The following ZBTB20 variants were observed in gnomAD, a reference collection of about 807,000 sequenced individuals.
ZBTB20 encodes zinc finger and BTB domain containing 20.
In ZBTB20, 9 loss-of-function variants were observed where a neutral mutation model predicts 56.9. The ratio of observed to expected loss-of-function variants is 0.16; its 90% CI spans 0.10 to 0.28. The LOEUF (loss-of-function observed/expected upper bound fraction) is 0.28. Among genes scored for constraint, ZBTB20 ranks in the 10% least tolerant of loss-of-function variants. The pLI is 1.00. For missense variants in ZBTB20, 655 were observed against 1,003.0 expected, an observed-to-expected ratio of 0.65 and a Z score of 4.69; for synonymous variants, 417 against 420.7, an observed-to-expected ratio of 0.99 and a Z score of 0.11.
chr3:114,441,004 C>T (rs2090884531), intron 7 of ZBTB20, among the ~76,000 whole-genome samples: 1 of 152,160 alleles, frequency 6.6e-6, no homozygotes, highest in Admixed American at 6.6e-5. Context: ...AAATAATGGG[C>T]CTCACTGTTT....
chr3:115,098,851 T>C (rs2083474675), intron 1 of ZBTB20, among the ~76,000 whole-genome samples: 1 of 152,146 alleles, frequency 6.6e-6, no homozygotes, highest in Admixed American at 6.6e-5. Context: ...GGGAAAAAAG[T>C]CTGCCACTTC....
intron 6 of ZBTB20, among the ~76,000 whole-genome samples, chr3:114,553,524 T>C (rs1161632863): frequency 1.3e-5 from 2 of 152,012 alleles, no homozygotes; most frequent in African/African-American, 2.4e-5. Flanking sequence ...AGATGAACTA[T>C]AGCTTTCCTA....
At chr3:114,538,678 T>C (rs1441985334) in intron 6 of ZBTB20, among the ~76,000 whole-genome samples, 5 of 152,160 alleles carry the variant, frequency 3.3e-5, no homozygotes, top group African/African-American at 1.2e-4. Flanking sequence ...GCTCTCTGTC[T>C]AAGATGTGTA....
rs1209095318 is a variant in ZBTB20, at chr3:114,335,099, C to G, written c.*3906G>C. ...AATATTATTTTTTTATAAACCATAT[C>G]TAAATATCTTGAGATAAAAATTCCC... On this transcript the variant is annotated 3_prime_UTR_variant, in exon 12 of 12. Coordinates refer to ENST00000675478, the MANE Select transcript of ZBTB20 (RefSeq NM_001348800.3). 1 of 152,060 alleles carries G rather than the reference C, an allele frequency of 6.6e-6. No homozygotes were observed. Among genetic ancestry groups the G allele is most frequent in the Non-Finnish European group, 1.5e-5 (1 of 68,000 alleles). The allele number at this position is 152,060 out of a possible 1,614,324, so 9.4% of individuals were successfully genotyped here.
At chr3:114,735,046 G>T (rs142097861) in intron 5 of ZBTB20, among the ~76,000 whole-genome samples, 2 of 151,166 alleles carry the variant, frequency 1.3e-5, no homozygotes, top group African/African-American at 4.9e-5. Flanking sequence ...TCCCATCAGC[G>T]TTATGACACC....
intron 4 of ZBTB20, among the ~76,000 whole-genome samples, chr3:114,815,541 C>T (rs983502156): frequency 2.4e-4 from 36 of 152,028 alleles, no homozygotes; most frequent in African/African-American, 6.0e-4. Context: ...GCTTAAGCAA[C>T]GGAAATATTT....
intron 5 of ZBTB20, among the ~76,000 whole-genome samples, chr3:114,747,989 C>T (rs894174336): frequency 6.7e-6 from 1 of 148,950 alleles, no homozygotes; most frequent in Non-Finnish European, 1.5e-5. Context: ...ACTTTTGATA[C>T]ATACACAATA....
chr3:114,935,875 A>T (rs2076516744), intron 3 of ZBTB20, among the ~76,000 whole-genome samples: 1 of 152,248 alleles, frequency 6.6e-6, no homozygotes, highest in East Asian at 1.9e-4. Flanking sequence ...CACCTAACAC[A>T]GAGTACTCTT....
At position 114,584,881 on chromosome 3, in the gene ZBTB20, A is replaced by C. The variant is rs1186177287; in HGVS notation, c.-294-84490T>G. ...ATCAGTGTACCCTTAACAGACCTGA[A>C]GCGTCTAGAAAGAATACAAGGCAGC... On this transcript the variant is annotated intron_variant, in intron 6 of 11. Coordinates refer to ENST00000675478, the MANE Select transcript of ZBTB20 (RefSeq NM_001348800.3). Among the ~76,000 whole-genome samples the C allele has an allele frequency of 3.3e-5, 5 of 152,170 alleles. No homozygotes were observed. In the East Asian group the frequency reaches 9.6e-4, roughly 29 times the overall value.
intron 5 of ZBTB20, among the ~76,000 whole-genome samples, chr3:114,746,389 T>G (rs1191683497): frequency 6.6e-6 from 1 of 152,176 alleles, no homozygotes; most frequent in Non-Finnish European, 1.5e-5. Flanking sequence ...TTTTGTTTTT[T>G]TTTAATTATT....
chr3:115,122,529 C>T (rs745441123), intron 1 of ZBTB20, among the ~76,000 whole-genome samples: 1 of 151,994 alleles, frequency 6.6e-6, no homozygotes, highest in Admixed American at 6.6e-5. Flanking sequence ...TCCATACAAT[C>T]CTATATCTCT....
At chr3:114,675,086 T>C (rs1317503058) in intron 6 of ZBTB20, among the ~76,000 whole-genome samples, 1 of 148,344 alleles carries the variant, frequency 6.7e-6, no homozygotes, top group Non-Finnish European at 1.5e-5. Flanking sequence ...ATATATTATA[T>C]ATATACACAA....
At chr3:115,012,463 A>G (rs1414133166) in intron 2 of ZBTB20, among the ~76,000 whole-genome samples, 2 of 151,798 alleles carry the variant, frequency 1.3e-5, no homozygotes, top group African/African-American at 2.4e-5. Context: ...AAACTATAAG[A>G]AGAGACAAAG....
chr3:115,060,609 CA>C (rs1404387915), intron 2 of ZBTB20, among the ~76,000 whole-genome samples: 1 of 152,064 alleles, frequency 6.6e-6, no homozygotes, highest in Non-Finnish European at 1.5e-5. Context: ...CCACAGTGGA[CA>C]GTAAATTGCT....
chr3:115,004,413 A>G (rs1169874860), intron 2 of ZBTB20, among the ~76,000 whole-genome samples: 1 of 151,732 alleles, frequency 6.6e-6, no homozygotes, highest in Non-Finnish European at 1.5e-5. Flanking sequence ...TGCCTTTAAA[A>G]CAAAATATTT....
chr3:114,837,507 G>A (rs2074180151), intron 4 of ZBTB20, among the ~76,000 whole-genome samples: 1 of 152,082 alleles, frequency 6.6e-6, no homozygotes, highest in South Asian at 2.1e-4. Flanking sequence ...CTAGAGCTGT[G>A]GTTTCATCTG....
At chr3:114,613,668 T>A (rs2057718518) in intron 6 of ZBTB20, among the ~76,000 whole-genome samples, 1 of 152,122 alleles carries the variant, frequency 6.6e-6, no homozygotes, top group Admixed American at 6.5e-5. Context: ...ATTCCTTATA[T>A]GTTCTCTGCT....
chr3:114,646,775 C>G (rs910152788), intron 6 of ZBTB20, among the ~76,000 whole-genome samples: 1 of 152,052 alleles, frequency 6.6e-6, no homozygotes, highest in African/African-American at 2.4e-5. Context: ...AAGGGTATTC[C>G]TAAGGGAACT....
At chr3:114,576,384 C>A (rs543481188) in intron 6 of ZBTB20, among the ~76,000 whole-genome samples, 11 of 151,048 alleles carry the variant, frequency 7.3e-5, no homozygotes, top group African/African-American at 2.4e-4. Context: ...CGCCTGTAGT[C>A]CCAGCTACTC....
Sources: allele counts gnomAD v4.1 joint callset (sites outside exome capture counted in the v4.1 genomes callset), GRCh38; gene constraint gnomAD v4.1.1; transcripts MANE v1.5; gene names NCBI Gene and HGNC (gene_info 2026-07-23, HGNC 2026-07-21).